NKAIN2: variants seen among roughly 807,000 people sequenced by gnomAD.
NKAIN2 encodes sodium/potassium transporting ATPase interacting 2.
In NKAIN2, 14 loss-of-function variants were observed where a neutral mutation model predicts 32.6. The ratio of observed to expected loss-of-function variants is 0.43; its 90% CI spans 0.28 to 0.67. NKAIN2 has a LOEUF of 0.67. Among genes scored for constraint, NKAIN2 ranks in the 30% least tolerant of loss-of-function variants. The pLI is 0.17. For missense variants in NKAIN2, 198 were observed against 258.3 expected (o/e 0.77, Z 1.60); for synonymous variants, 80 against 87.2 (o/e 0.92, Z 0.46).
intron 1 of NKAIN2, among the ~76,000 whole-genome samples, chr6:123,987,938 T>G (rs1332786328): frequency 1.3e-5 from 2 of 152,200 alleles, no homozygotes; most frequent in Non-Finnish European, 2.9e-5. Context: ...TACAAAGGTG[T>G]GGGTCATTGG....
rs1405817535 is a variant in NKAIN2, at chr6:124,226,015, G to A, written c.55-56990G>A. ...GGCCTTCTGTTTACTATAAAATGTT[G>A]GAAGACTTGAAAAGCCCCACTAAAA... On this transcript the variant is annotated intron_variant, in intron 1 of 6. Transcript: ENST00000368417. Among the ~76,000 whole-genome samples the A allele has an allele frequency of 2.6e-5, 4 of 152,052 alleles. No individual in the cohort carries two copies. In the East Asian group the frequency reaches 7.7e-4, roughly 29 times the overall value.
At position 123,813,271 on chromosome 6, in the gene NKAIN2, T is replaced by C. The variant is rs537411271; in HGVS notation, c.54+9017T>C. ...CGGGATTGAGCACTTCTTTTGTTAA[T>C]GGCACCTGCAGTGGTGGAAGGCACC... On this transcript the variant is annotated intron_variant, in intron 1 of 6. Coordinates refer to ENST00000368417, the MANE Select transcript of NKAIN2 (RefSeq NM_001040214.3). 6.6e-5 allele frequency among the ~76,000 whole-genome samples: 10 copies of C among 152,288 alleles called. 1 individual carries two copies. In the South Asian group the frequency reaches 1.9e-3, roughly 28 times the overall value.
chr6:124,713,161 C>A (rs190540456), intron 4 of NKAIN2, among the ~76,000 whole-genome samples: 64 of 152,210 alleles, frequency 4.2e-4, no homozygotes, highest in African/African-American at 1.5e-3. Context: ...ATCTTCACAG[C>A]AATCCTATGA....
chr6:124,698,066 TCTTA>T (rs1774588221), intron 4 of NKAIN2, among the ~76,000 whole-genome samples: 2 of 152,172 alleles, frequency 1.3e-5, no homozygotes, highest in Non-Finnish European at 2.9e-5. Flanking sequence ...ATAATTGTAG[TCTTA>T]CTTCATTATT....
chr6:124,345,894 C>T (rs1188097246), intron 2 of NKAIN2, among the ~76,000 whole-genome samples: 2 of 152,034 alleles, frequency 1.3e-5, no homozygotes, highest in Non-Finnish European at 2.9e-5. Context: ...TGTGTTTGCT[C>T]TTGCTTTTCT....
intron 3 of NKAIN2, among the ~76,000 whole-genome samples, chr6:124,410,826 C>T (rs1774133785): frequency 6.6e-6 from 1 of 152,254 alleles, no homozygotes; most frequent in Middle Eastern, 3.4e-3. Flanking sequence ...GTGTGGGAGT[C>T]TAAGTTTCTT....
chr6:123,859,253 C>A (rs1282324540), intron 1 of NKAIN2, among the ~76,000 whole-genome samples: 2 of 152,070 alleles, frequency 1.3e-5, no homozygotes, highest in East Asian at 3.9e-4. Flanking sequence ...GTACATTTTT[C>A]CATATAGATA....
At position 124,044,324 on chromosome 6, in the gene NKAIN2, A is replaced by G. The variant is rs538012967; in HGVS notation, c.55-238681A>G. ...TGCAAAGACGGGAGTAAAATCCTCCATATATAAAAACTGTGGAATGTTTTC... is the reference window on the plus strand; with the variant it reads ...TGCAAAGACGGGAGTAAAATCCTCCGTATATAAAAACTGTGGAATGTTTTC... On this transcript the variant is annotated intron_variant, in intron 1 of 6. Transcript: ENST00000368417. Among the ~76,000 whole-genome samples the G allele has an allele frequency of 1.9e-3, 288 of 152,106 alleles. 1 individual carries two copies. Among genetic ancestry groups the G allele is most frequent in the Non-Finnish European group, 3.5e-3 (235 of 67,946 alleles).
At chr6:124,442,879 T>A (rs1014697868) in intron 3 of NKAIN2, among the ~76,000 whole-genome samples, 77 of 152,106 alleles carry the variant, frequency 5.1e-4, no homozygotes, top group Non-Finnish European at 1.0e-4. Flanking sequence ...TCTGGCATCA[T>A]AATATTTTCT....
At chr6:124,417,288 G>T (rs941968117) in intron 3 of NKAIN2, among the ~76,000 whole-genome samples, 2 of 152,002 alleles carry the variant, frequency 1.3e-5, no homozygotes, top group African/African-American at 2.4e-5. Context: ...AGAATATAGA[G>T]AATCAAATGG....
At chr6:124,615,447 A>C (rs1782851102) in intron 3 of NKAIN2, among the ~76,000 whole-genome samples, 1 of 152,224 alleles carries the variant, frequency 6.6e-6, no homozygotes. Flanking sequence ...TATAAAAATG[A>C]CAATATCAAG....
At chr6:124,005,279 T>C (rs7751341) in intron 1 of NKAIN2, among the ~76,000 whole-genome samples, 8,393 of 152,118 alleles carry the variant, frequency 0.055, 765 homozygotes, top group African/African-American at 0.19. Flanking sequence ...CATTTCCAAT[T>C]CTTATGTAAT....
chr6:124,195,032 TA>T lies in NKAIN2; in HGVS notation c.55-87969del, dbSNP rs1381694806. 5.1e-4 allele frequency among the ~76,000 whole-genome samples: 77 copies of T among 151,344 alleles called. 1 individual carries two copies. Among genetic ancestry groups the T allele is most frequent in the Middle Eastern group, 3.4e-3 (1 of 292 alleles). On this transcript the variant is annotated intron_variant, in intron 1 of 6. Transcript: ENST00000368417. Reference sequence around the variant, plus strand: ...TTTTAGTTTTAAAGTATAAAGAATATAAAATGCAATTTTTTTATTTTTTGTG... The same window carrying T: ...TTTTAGTTTTAAAGTATAAAGAATATAAATGCAATTTTTTTATTTTTTGTG...
chr6:124,259,312 A>G (rs1467705705), intron 1 of NKAIN2, among the ~76,000 whole-genome samples: 1 of 152,172 alleles, frequency 6.6e-6, no homozygotes, highest in Non-Finnish European at 1.5e-5. Flanking sequence ...TACAGAAACC[A>G]TGAGGATGAG....
At chr6:123,938,919 A>G (rs1409926338) in intron 1 of NKAIN2, among the ~76,000 whole-genome samples, 4 of 151,912 alleles carry the variant, frequency 2.6e-5, no homozygotes, top group Non-Finnish European at 5.9e-5. Flanking sequence ...TTCAAAGAGC[A>G]TGGTAAAGTC....
intron 1 of NKAIN2, among the ~76,000 whole-genome samples, chr6:123,832,715 A>T (rs1424498622): frequency 2.0e-5 from 3 of 152,164 alleles, no homozygotes; most frequent in African/African-American, 7.2e-5. Context: ...ATGCATTTCC[A>T]GGTGATATAT....
intron 5 of NKAIN2, among the ~76,000 whole-genome samples, chr6:124,805,290 A>G (rs1213458783): frequency 6.6e-6 from 1 of 152,198 alleles, no homozygotes; most frequent in Non-Finnish European, 1.5e-5. Flanking sequence ...CCTCTGAGAC[A>G]AAACTTCCAG....
At chr6:124,371,954 A>C (rs544807911) in intron 3 of NKAIN2, among the ~76,000 whole-genome samples, 1 of 152,258 alleles carries the variant, frequency 6.6e-6, no homozygotes, top group African/African-American at 2.4e-5. Flanking sequence ...GGAAAACATT[A>C]TCAAACAGTC....
At position 124,727,582 on chromosome 6, in the gene NKAIN2, C is replaced by A. The variant is rs929683842; in HGVS notation, c.475-63757C>A. Among the ~76,000 whole-genome samples the A allele has an allele frequency of 3.2e-3, 484 of 151,728 alleles. 1 individual carries two copies. The highest frequency in any genetic ancestry group is 0.011 in the African/African-American group (445 of 41,248). ...GTGCTAAACATGGAAAGGAACAACC[C>A]GTACCAGCCACTGCAAAATCATGCC... On this transcript the variant is annotated intron_variant, in intron 4 of 6. Transcript: ENST00000368417.
Sources: gnomAD v4.1 joint callset for allele counts (sites outside exome capture counted in the v4.1 genomes callset) on GRCh38, gnomAD v4.1.1 for gene constraint, MANE v1.5 for transcripts, NCBI Gene and HGNC (gene_info 2026-07-23, HGNC 2026-07-21) for gene names.